Variants in MLIP observed in about 807,000 individuals in gnomAD.
MLIP encodes the protein muscular LMNA-interacting protein.
A neutral mutation model predicts 84.8 loss-of-function variants in MLIP; 79 were observed. The ratio of observed to expected loss-of-function variants is 0.93; its 90% CI spans 0.78 to 1.12. The LOEUF is 1.12. MLIP is among the 50% of genes most tolerant of loss of function. The pLI is 0.00. For synonymous variants in MLIP, 504 were observed against 463.0 expected (o/e 1.09, Z -1.14); for missense variants, 1,257 against 1,160.6 (o/e 1.08, Z -1.21).
chr6:54,245,813 A>G (rs763455997), intron 12 of MLIP, among the ~76,000 whole-genome samples: 19 of 152,014 alleles, frequency 1.2e-4, no homozygotes, highest in Non-Finnish European at 2.4e-4. Flanking sequence ...TGATCCTTTT[A>G]CTTATCCCAT....
At chr6:54,219,577 T>C (rs1780090901) in intron 11 of MLIP, among the ~76,000 whole-genome samples, 1 of 152,168 alleles carries the variant, frequency 6.6e-6, no homozygotes, top group South Asian at 2.1e-4. Context: ...TATGTTACTA[T>C]GTTAGGATTG....
intron 9 of MLIP, among the ~76,000 whole-genome samples, chr6:54,169,804 T>C (rs1379432440): frequency 6.6e-6 from 1 of 151,692 alleles, no homozygotes; most frequent in Admixed American, 6.6e-5. Context: ...TTAGTTTAGC[T>C]AAATAGAACT....
chr6:54,239,810 T>A (rs972389220), intron 12 of MLIP, among the ~76,000 whole-genome samples: 1 of 151,670 alleles, frequency 6.6e-6, no homozygotes, highest in Admixed American at 6.6e-5. Flanking sequence ...AAAAATAAAA[T>A]AAAATAAAAT....
chr6:54,023,629 G>GT (rs1763634528), intron 1 of MLIP, among the ~76,000 whole-genome samples: 1 of 152,112 alleles, frequency 6.6e-6, no homozygotes, highest in African/African-American at 2.4e-5. Flanking sequence ...GAGTGCAGTG[G>GT]TGCGATCTCG....
At chr6:54,133,073 T>A (rs897459615) in intron 3 of MLIP, among the ~76,000 whole-genome samples, 11 of 152,154 alleles carry the variant, frequency 7.2e-5, no homozygotes, top group Middle Eastern at 3.4e-3. Flanking sequence ...AGGTTGAGAT[T>A]GAACAAAGTA....
intron 1 of MLIP, among the ~76,000 whole-genome samples, chr6:54,041,626 G>A (rs1208654764): frequency 6.6e-6 from 1 of 151,952 alleles, no homozygotes; most frequent in Non-Finnish European, 1.5e-5. Context: ...ATCCTAATAG[G>A]CACGTGCTGG....
intron 1 of MLIP, among the ~76,000 whole-genome samples, chr6:54,077,455 A>C (rs966286350): frequency 1.2e-4 from 18 of 152,136 alleles, no homozygotes; most frequent in Non-Finnish European, 1.9e-4. Context: ...ATTACTTGCA[A>C]ATCTATGAAA....
At position 54,137,546 on chromosome 6, in the gene MLIP, C is replaced by CTGCCT; in HGVS notation, c.1478_1482dup (p.Val495CysfsTer29). On this transcript the variant is annotated frameshift_variant, in exon 4 of 14. Transcript: ENST00000502396. LOFTEE classifies it high-confidence loss of function. ...TGAATTGACCCAGCAATCTTTTCAC[C>CTGCCT]TGCCTGTTTTCACCAAGTCTACTCC... 6.5e-7 allele frequency: 1 copy of CTGCCT among 1,536,108 alleles called. No homozygotes were observed. Among genetic ancestry groups the CTGCCT allele is most frequent in the Non-Finnish European group, 8.7e-7 (1 of 1,146,906 alleles).
intron 1 of MLIP, among the ~76,000 whole-genome samples, chr6:54,068,040 T>TTTCCTTCCTTCCTTCCTTCCCTCC (rs1766295478): frequency 4.4e-5 from 1 of 22,852 alleles, no homozygotes; most frequent in Non-Finnish European, 1.6e-4. Context: ...TCCTTTTTTC[T>TTTCCTTCCTTCCTTCCTTCCCTCC]TTCCTTCCTT....
At chr6:54,027,685 G>T (rs1763900096) in intron 1 of MLIP, among the ~76,000 whole-genome samples, 1 of 152,128 alleles carries the variant, frequency 6.6e-6, no homozygotes, top group Non-Finnish European at 1.5e-5. Context: ...CCAGGGAGGG[G>T]AGCTGAGAGT....
intron 10 of MLIP, among the ~76,000 whole-genome samples, chr6:54,194,440 A>G (rs1353257427): frequency 6.6e-6 from 1 of 152,130 alleles, no homozygotes; most frequent in Non-Finnish European, 1.5e-5. Context: ...CAATCTGGCC[A>G]ATCTGTATTG....
In MLIP at chr6:54,189,923, C is replaced by T. The variant is rs778703192; in HGVS notation, c.2589+9C>T. 4 of 1,590,870 alleles carry T rather than the reference C, an allele frequency of 2.5e-6. No individual in the cohort carries two copies. In the Admixed American group the frequency reaches 6.7e-5, roughly 27 times the overall value. On this transcript the variant is annotated intron_variant, in intron 10 of 13. Coordinates refer to ENST00000502396, the MANE Select transcript of MLIP (RefSeq NM_001281747.2). The stretch of plus-strand genomic sequence containing the variant: ...TATCTGAGAGTCAGCTGGTATGTAT[C>T]TTCTAAGTCACAGATCTACTGCAAA...
At chr6:54,021,786 A>T (rs531290883) in intron 1 of MLIP, among the ~76,000 whole-genome samples, 1 of 152,212 alleles carries the variant, frequency 6.6e-6, no homozygotes, top group Admixed American at 6.5e-5. Flanking sequence ...ATTCTTCAAA[A>T]TTTCTTAAAT....
intron 1 of MLIP, among the ~76,000 whole-genome samples, chr6:54,060,573 A>G (rs998352627): frequency 2.6e-5 from 4 of 152,192 alleles, no homozygotes; most frequent in Non-Finnish European, 4.4e-5. Flanking sequence ...GAACCACACT[A>G]TCTCATTTAC....
chr6:54,216,963 G>A (rs1779894837), intron 11 of MLIP: 1 of 985,380 alleles, frequency 1.0e-6, no homozygotes, highest in Non-Finnish European at 1.2e-6. Context: ...TATTAGCAAG[G>A]TGTTGATTTA....
chr6:54,169,234 T>C (rs1775518149), intron 8 of MLIP, among the ~76,000 whole-genome samples: 1 of 151,700 alleles, frequency 6.6e-6, no homozygotes, highest in South Asian at 2.1e-4. Flanking sequence ...GATTTCTACA[T>C]GAATTTTGAA....
At position 54,186,480 on chromosome 6, in the gene MLIP, T is replaced by C. The variant is rs1426217589; in HGVS notation, c.2545-3390T>C. On this transcript the variant is annotated intron_variant, in intron 9 of 13. Transcript: ENST00000502396. The stretch of plus-strand genomic sequence containing the variant: ...AGTTTGTATTAGCCCATTTTCATAC[T>C]GCTATAAAGAACTGTCTGAGACTGG... Among the ~76,000 whole-genome samples, 4 of 152,216 alleles carry C rather than the reference T, an allele frequency of 2.6e-5. No homozygotes were observed. The East Asian group carries it at 7.7e-4, about 29-fold the overall frequency.
chr6:54,192,465 A>T (rs1280855), intron 10 of MLIP, among the ~76,000 whole-genome samples: 140,957 of 152,084 alleles, frequency 0.93, 66,227 homozygotes, highest in East Asian at 1. Flanking sequence ...TCACTAAGGA[A>T]TTAGAATATT....
intron 11 of MLIP, among the ~76,000 whole-genome samples, chr6:54,207,702 A>G (rs1009005064): frequency 3.3e-5 from 5 of 152,210 alleles, no homozygotes; most frequent in African/African-American, 1.2e-4. Flanking sequence ...GTCTGTTAAT[A>G]TCCCAATTTA....
Sources: allele counts gnomAD v4.1 joint callset (sites outside exome capture counted in the v4.1 genomes callset), GRCh38; gene constraint gnomAD v4.1.1; transcripts MANE v1.5; gene names NCBI Gene and HGNC (gene_info 2026-07-23, HGNC 2026-07-21).